Variants in DLGAP2 observed in about 807,000 individuals in gnomAD.
DLGAP2 encodes the protein DLG associated protein 2, also known as disks large-associated protein 2.
DLGAP2 carries 26 observed loss-of-function variants against 100.3 expected under a neutral mutation model. The ratio of observed to expected loss-of-function variants is 0.26; its 90% CI spans 0.19 to 0.36. The LOEUF (loss-of-function observed/expected upper bound fraction) is 0.36. Ranked by LOEUF, DLGAP2 falls within the 10% of genes least tolerant of loss-of-function variation. The pLI is 1.00. For synonymous variants in DLGAP2, 886 were observed against 630.1 expected, an observed-to-expected ratio of 1.41 and a Z score of -6.08; for missense variants, 1,858 against 1,453.2, an observed-to-expected ratio of 1.28 and a Z score of -4.53.
chr8:920,750 A>T (rs1798696598), intron 2 of DLGAP2, among the ~76,000 whole-genome samples: 1 of 152,210 alleles, frequency 6.6e-6, no homozygotes, highest in Non-Finnish European at 1.5e-5. Context: ...GCGGGACTGC[A>T]CACCAGCCTG....
At chr8:832,349 C>A (rs1161135356) in intron 1 of DLGAP2, among the ~76,000 whole-genome samples, 1 of 152,190 alleles carries the variant, frequency 6.6e-6, no homozygotes, top group African/African-American at 2.4e-5. Context: ...GGTTTTAGGT[C>A]TAACATTTAA....
intron 3 of DLGAP2, among the ~76,000 whole-genome samples, chr8:1,303,728 C>G (rs1011991358): frequency 3.3e-5 from 5 of 152,262 alleles, no homozygotes; most frequent in Non-Finnish European, 7.4e-5. Flanking sequence ...TCCTCCCAGG[C>G]ATTTTCTCCT....
At chr8:1,184,802 G>T (rs180784540) in intron 2 of DLGAP2, among the ~76,000 whole-genome samples, 37 of 152,314 alleles carry the variant, frequency 2.4e-4, no homozygotes, top group Non-Finnish European at 2.9e-5. Context: ...CCCTCTCCAG[G>T]CCTGGGCTAA....
At chr8:1,179,815 A>G (rs368985852) in intron 2 of DLGAP2, among the ~76,000 whole-genome samples, 2 of 152,238 alleles carry the variant, frequency 1.3e-5, no homozygotes, top group South Asian at 2.1e-4. Flanking sequence ...GCATACCCTT[A>G]CATTTATACC....
intron 2 of DLGAP2, among the ~76,000 whole-genome samples, chr8:995,031 G>C (rs535132807): frequency 2.6e-5 from 4 of 152,240 alleles, no homozygotes; most frequent in East Asian, 3.9e-4. Flanking sequence ...TTCTAATGCT[G>C]TTCTGTTCAG....
chr8:1,630,618 C>CAG, intron 7 of DLGAP2, among the ~76,000 whole-genome samples: 1 of 151,750 alleles, frequency 6.6e-6, no homozygotes, highest in South Asian at 2.1e-4. Flanking sequence ...AGGAGAATGG[C>CAG]GTGAATCCGG....
intron 2 of DLGAP2, among the ~76,000 whole-genome samples, chr8:1,139,022 C>T (rs185529272): frequency 2.0e-5 from 3 of 152,380 alleles, no homozygotes; most frequent in South Asian, 2.1e-4. Flanking sequence ...AGCCCCCTGG[C>T]TGGTTACGCA....
In DLGAP2 at chr8:1,151,656, C is replaced by T. The variant is rs149988518; in HGVS notation, c.74-107195C>T. On this transcript the variant is annotated intron_variant, in intron 2 of 14. Coordinates refer to ENST00000637795, the MANE Select transcript of DLGAP2 (RefSeq NM_001346810.2). ...AAAGGAGGAGGGCAGAGAGCTCTTC[C>T]GGTGCCTGTGGTTTCTCTCTTGCCT... is the stretch of plus-strand genomic sequence containing the variant. Among the ~76,000 whole-genome samples, 177 of 152,264 alleles carry T rather than the reference C, an allele frequency of 1.2e-3. 1 individual carries two copies. Among genetic ancestry groups the T allele is most frequent in the Middle Eastern group, 0.01 (3 of 294 alleles).
At chr8:1,457,298 A>C (rs1033476850) in intron 3 of DLGAP2, among the ~76,000 whole-genome samples, 1 of 152,310 alleles carries the variant, frequency 6.6e-6, no homozygotes. Context: ...ATGGCTGGCA[A>C]CCACAGAAAT....
At chr8:911,991 G>T (rs1386225939) in intron 2 of DLGAP2, among the ~76,000 whole-genome samples, 1 of 152,228 alleles carries the variant, frequency 6.6e-6, no homozygotes, top group Non-Finnish European at 1.5e-5. Context: ...TTACACAGTT[G>T]TAAGCATAAT....
chr8:1,463,639 A>C (rs557305028), intron 3 of DLGAP2, among the ~76,000 whole-genome samples: 111 of 152,362 alleles, frequency 7.3e-4, no homozygotes, highest in Non-Finnish European at 1.4e-3. Flanking sequence ...CCCATCCAGG[A>C]GGCGGTCGGG....
At chr8:1,682,829 T>C (rs1022734229) in intron 12 of DLGAP2, among the ~76,000 whole-genome samples, 12 of 151,760 alleles carry the variant, frequency 7.9e-5, no homozygotes, top group Non-Finnish European at 1.3e-4. Context: ...TGAAAAACTA[T>C]TTTTCTTCAG....
chr8:1,138,026 G>A (rs1796453549), intron 2 of DLGAP2, among the ~76,000 whole-genome samples: 1 of 152,056 alleles, frequency 6.6e-6, no homozygotes, highest in South Asian at 2.1e-4. Flanking sequence ...GTGAGCCACG[G>A]CGCCCGGCCC....
rs149373568 is a variant in DLGAP2 at position 1,415,850 on chromosome 8, C to T, written c.107-85516C>T. Among the ~76,000 whole-genome samples, 71 of 152,250 alleles carry T rather than the reference C, an allele frequency of 4.7e-4. 1 individual carries two copies. Among genetic ancestry groups the T allele is most frequent in the African/African-American group, 1.7e-3 (71 of 41,568 alleles). The stretch of plus-strand genomic sequence containing the variant: ...GGGTATATACCCAGTCATGGGATTG[C>T]TGATTTAAGTTCTTTGAGAAATCTT... On this transcript the variant is annotated intron_variant, in intron 3 of 14. Coordinates refer to ENST00000637795, the MANE Select transcript of DLGAP2 (RefSeq NM_001346810.2).
chr8:1,516,741 G>A (rs962438569), intron 4 of DLGAP2, among the ~76,000 whole-genome samples: 2 of 152,116 alleles, frequency 1.3e-5, no homozygotes, highest in Non-Finnish European at 2.9e-5. Flanking sequence ...CTGAGAAAAT[G>A]AGTGGGTGAC....
At chr8:969,995 G>C (rs949755575) in intron 2 of DLGAP2, among the ~76,000 whole-genome samples, 2 of 152,140 alleles carry the variant, frequency 1.3e-5, no homozygotes, top group African/African-American at 2.4e-5. Flanking sequence ...ATTGACAAAT[G>C]AGTGAAATTC....
At chr8:967,295 C>T (rs1799895486) in intron 2 of DLGAP2, among the ~76,000 whole-genome samples, 1 of 152,192 alleles carries the variant, frequency 6.6e-6, no homozygotes, top group Non-Finnish European at 1.5e-5. Context: ...GGGAATGAGC[C>T]CAGCTTAAGC....
chr8:1,044,315 C>T (rs770286785), intron 2 of DLGAP2, among the ~76,000 whole-genome samples: 31 of 152,174 alleles, frequency 2.0e-4, no homozygotes, highest in Admixed American at 4.6e-4. Flanking sequence ...TCTCCCTGGG[C>T]AAAACTCAGC....
chr8:1,342,420 T>C (rs1387744126), intron 3 of DLGAP2, among the ~76,000 whole-genome samples: 1 of 152,222 alleles, frequency 6.6e-6, no homozygotes, highest in Non-Finnish European at 1.5e-5. Context: ...CATTGTAGTG[T>C]ACATAGTGTT....
Sources: gnomAD v4.1 joint callset for allele counts (sites outside exome capture counted in the v4.1 genomes callset) on GRCh38, gnomAD v4.1.1 for gene constraint, MANE v1.5 for transcripts, NCBI Gene and HGNC (gene_info 2026-07-23, HGNC 2026-07-21) for gene names.